The following LRRC7 variants were observed in gnomAD, a reference collection of about 807,000 sequenced individuals.
LRRC7 encodes leucine rich repeat containing 7.
LRRC7 carries 23 observed loss-of-function variants against 175.7 expected under a neutral mutation model. That is an observed-to-expected ratio of 0.13 (90% CI 0.09 to 0.19). The LOEUF is 0.19. LRRC7 is among the 10% of genes least tolerant of loss of function. The pLI is 1.00. For synonymous variants in LRRC7, 685 were observed against 680.9 expected (o/e 1.01, Z -0.09); for missense variants, 1,354 against 1,904.7 (o/e 0.71, Z 5.38).
intron 2 of LRRC7, among the ~76,000 whole-genome samples, chr1:69,685,516 G>GA (rs988632997): frequency 2.0e-5 from 3 of 150,830 alleles, no homozygotes; most frequent in African/African-American, 7.3e-5. Context: ...AATCTCAGGG[G>GA]AAAAAAAAGA....
intron 1 of LRRC7, among the ~76,000 whole-genome samples, chr1:69,576,227 G>GA (rs59481658): frequency 0.81 from 118,647 of 146,168 alleles, 48,224 homozygotes; most frequent in African/African-American, 0.89. Flanking sequence ...GTGACACTCT[G>GA]AAAAAAAAAA....
At chr1:70,077,943 G>GTA (rs1411004334) in intron 24 of LRRC7, among the ~76,000 whole-genome samples, 6 of 152,250 alleles carry the variant, frequency 3.9e-5, no homozygotes, top group African/African-American at 1.4e-4. Flanking sequence ...ACTCAGAATT[G>GTA]TAGAACTGCC....
At chr1:69,726,363 A>G (rs1192827728) in intron 2 of LRRC7, among the ~76,000 whole-genome samples, 1 of 152,238 alleles carries the variant, frequency 6.6e-6, no homozygotes, top group Non-Finnish European at 1.5e-5. Flanking sequence ...CTATAGAGTT[A>G]TAGGCTTATT....
rs566666365 is a variant in LRRC7 at position 70,124,885 on chromosome 1, A to G, written c.*2998A>G. 1.3e-4 allele frequency among the ~76,000 whole-genome samples: 20 copies of G among 152,354 alleles called. No homozygotes were observed. The East Asian group carries it at 3.5e-3, about 26-fold the overall frequency. On this transcript the variant is annotated 3_prime_UTR_variant, in exon 27 of 27. Coordinates refer to ENST00000651989, the MANE Select transcript of LRRC7 (RefSeq NM_001370785.2). ...GGAAGGTGTTTATATGTGATAAGTC[A>G]GTAAGATCTAATGGAGGAGACTGAG...
At chr1:69,906,510 A>G (rs549289717) in intron 7 of LRRC7, among the ~76,000 whole-genome samples, 2 of 152,314 alleles carry the variant, frequency 1.3e-5, no homozygotes, top group East Asian at 1.9e-4. Context: ...CATTTATTAA[A>G]CAGGGAATCC....
chr1:69,976,436 T>A (rs1016011424), intron 8 of LRRC7, among the ~76,000 whole-genome samples: 7 of 152,204 alleles, frequency 4.6e-5, no homozygotes, highest in African/African-American at 9.7e-5. Context: ...TAAGGGTAGG[T>A]CTGCCCTCCC....
chr1:70,021,083 A>C lies in LRRC7; in HGVS notation c.1499A>C (p.Glu500Ala). 1 of 1,612,780 alleles carries C rather than the reference A, an allele frequency of 6.2e-7. No individual in the cohort carries two copies. The highest frequency in any genetic ancestry group is 8.5e-7 in the Non-Finnish European group (1 of 1,179,030). ...QRQQRMTVAF[E>A]FEDKKEDDEN... ...CAACAACGCATGACTGTTGCCTTTG[A>C]ATTTGAAGACAAAAAAGAAGATGAC... The change falls in exon 16 of 27, where the codon GAA becomes GCA. Residue 500 changes from glutamate to alanine, a missense_variant. Glu to Ala is a moderately radical substitution (Grantham distance 107, BLOSUM62 -1). Around this residue, in one of 4 missense-constraint regions of LRRC7, gnomAD observed 1,032 missense variants for 1,227.2 expected, o/e 0.84. Transcript: ENST00000651989.
At chr1:70,025,773 C>T (rs1327412326) in intron 17 of LRRC7, among the ~76,000 whole-genome samples, 2 of 146,972 alleles carry the variant, frequency 1.4e-5, no homozygotes, top group Non-Finnish European at 3.0e-5. Context: ...AAGCAAGGAG[C>T]TTATTTTTTA....
intron 7 of LRRC7, among the ~76,000 whole-genome samples, chr1:69,882,938 T>C (rs1686785402): frequency 1.3e-5 from 2 of 152,192 alleles, no homozygotes; most frequent in African/African-American, 4.8e-5. Context: ...ACAAAGGACA[T>C]GAACTTATCA....
intron 23 of LRRC7, among the ~76,000 whole-genome samples, chr1:70,060,013 T>C (rs1030655671): frequency 3.9e-5 from 6 of 152,078 alleles, no homozygotes; most frequent in Non-Finnish European, 7.4e-5. Context: ...TATAAATATC[T>C]AAAATAGATA....
chr1:70,074,049 ATAAT>A (rs1662589470), intron 23 of LRRC7, among the ~76,000 whole-genome samples: 1 of 152,072 alleles, frequency 6.6e-6, no homozygotes, highest in Non-Finnish European at 1.5e-5. Flanking sequence ...AAAGATACAA[ATAAT>A]TAGCTGGGCA....
chr1:69,689,075 A>G (rs1032634657), intron 2 of LRRC7, among the ~76,000 whole-genome samples: 23 of 152,152 alleles, frequency 1.5e-4, no homozygotes, highest in African/African-American at 5.3e-4. Flanking sequence ...CTCTTTTTCT[A>G]TTTGAGCCCT....
chr1:69,827,720 T>C (rs1332737861), intron 5 of LRRC7, among the ~76,000 whole-genome samples: 6 of 152,020 alleles, frequency 3.9e-5, no homozygotes, highest in African/African-American at 1.4e-4. Flanking sequence ...GTGCCTGTAG[T>C]CCTAGCTGCT....
chr1:69,729,735 G>T (rs966923721), intron 2 of LRRC7, among the ~76,000 whole-genome samples: 6 of 152,158 alleles, frequency 3.9e-5, no homozygotes, highest in Non-Finnish European at 7.3e-5. Context: ...TGGATCTACT[G>T]TTCTGGGGTC....
At chr1:69,950,919 A>G (rs1049913258) in intron 8 of LRRC7, among the ~76,000 whole-genome samples, 8 of 152,140 alleles carry the variant, frequency 5.3e-5, no homozygotes, top group Non-Finnish European at 1.5e-5. Flanking sequence ...GAAATTGAGT[A>G]GGAAAAGATG....
intron 23 of LRRC7, among the ~76,000 whole-genome samples, chr1:70,062,549 A>G (rs1295803423): frequency 6.6e-6 from 1 of 152,084 alleles, no homozygotes; most frequent in African/African-American, 2.4e-5. Flanking sequence ...TAAGATAGAG[A>G]TGGTATATAC....
intron 2 of LRRC7, among the ~76,000 whole-genome samples, chr1:69,756,591 GATAA>G (rs1444801777): frequency 1.3e-5 from 2 of 151,612 alleles, no homozygotes; most frequent in East Asian, 1.9e-4. Context: ...TAGAAAATAT[GATAA>G]ATAAAAACTT....
intron 1 of LRRC7, among the ~76,000 whole-genome samples, chr1:69,587,983 A>T (rs143200683): frequency 4.2e-4 from 64 of 152,336 alleles, no homozygotes; most frequent in African/African-American, 1.4e-3. Flanking sequence ...TTCTGGCCAC[A>T]CTGAGCTATC....
Position 70,038,895 on chromosome 1 carries a change from G to C in LRRC7, c.3071G>C (p.Gly1024Ala). ...GSHERPDKML[G>A]PEHGMSSMSR... ...CACGAACGACCGGATAAGATGCTGGGACCAGAGCATGGTATGTCCAGTATG... is the reference window on the plus strand; with the variant it reads ...CACGAACGACCGGATAAGATGCTGGCACCAGAGCATGGTATGTCCAGTATG... Residue 1024 changes from glycine (G) to alanine (A), a missense_variant, in exon 21 of 27, where the codon GGA becomes GCA. Coordinates refer to ENST00000651989, the MANE Select transcript of LRRC7 (RefSeq NM_001370785.2). The C allele has an allele frequency of 6.2e-7, 1 of 1,614,020 alleles. No individual in the cohort carries two copies. Among genetic ancestry groups the C allele is most frequent in the South Asian group, 1.1e-5 (1 of 91,068 alleles).
Sources: gnomAD v4.1 joint callset for allele counts (sites outside exome capture counted in the v4.1 genomes callset) on GRCh38, gnomAD v4.1.1 for gene constraint, gnomAD v4.1.1 regional missense constraint, MANE v1.5 for transcripts, NCBI Gene and HGNC (gene_info 2026-07-23, HGNC 2026-07-21) for gene names.